Variants in TET2 observed in about 807,000 individuals in gnomAD.
The protein encoded by TET2 is tet methylcytosine dioxygenase 2, also known as methylcytosine dioxygenase TET2.
TET2 carries 299 observed loss-of-function variants against 142.9 expected under a neutral mutation model. That is an observed-to-expected ratio of 2.09 (90% confidence interval 1.90 to 2.30). The LOEUF (loss-of-function observed/expected upper bound fraction) is 2.30. Ranked by LOEUF, TET2 falls within the 30% of genes most tolerant of loss-of-function variation. The pLI is 0.00. For synonymous variants in TET2, 819 were observed against 849.0 expected (o/e 0.96, Z 0.61); for missense variants, 2,418 against 2,378.0 (o/e 1.02, Z -0.35).
chr4:105,154,595 G>A (rs762014892), intron 1 of TET2, among the ~76,000 whole-genome samples: 5 of 152,146 alleles, frequency 3.3e-5, no homozygotes, highest in Non-Finnish European at 7.4e-5. Flanking sequence ...AGCCTTTAGA[G>A]CTCATATGGG....
chr4:105,185,578 A>G (rs1380432038), intron 1 of TET2, among the ~76,000 whole-genome samples: 1 of 152,004 alleles, frequency 6.6e-6, no homozygotes, highest in Non-Finnish European at 1.5e-5. Context: ...CAGGAGATCG[A>G]GACCATCCTG....
chr4:105,224,410 G>C (rs1274748711), intron 2 of TET2, among the ~76,000 whole-genome samples: 1 of 152,140 alleles, frequency 6.6e-6, no homozygotes, highest in Non-Finnish European at 1.5e-5. Flanking sequence ...TCATAATTAT[G>C]ATGGATTAGA....
Position 105,276,100 on chromosome 4 carries a change from G to T in TET2, c.5590G>T (p.Val1864Leu). Residue 1864 changes from valine to leucine, a missense_variant, in exon 11 of 11, where the codon GTG becomes TTG. Transcript: ENST00000380013. ...FLDPDIGGVA[V>L]APTHGSILIE... is the part of the protein sequence containing the mutation. ...GGATCCTGACATTGGGGGAGTGGCC[G>T]TGGCTCCAACTCATGGGTCAATTCT... 1 of 1,551,634 alleles carries T rather than the reference G, an allele frequency of 6.4e-7. No individual in the cohort carries two copies.
At chr4:105,179,615 T>A (rs1725002447) in intron 1 of TET2, among the ~76,000 whole-genome samples, 2 of 152,202 alleles carry the variant, frequency 1.3e-5, no homozygotes, top group Non-Finnish European at 2.9e-5. Flanking sequence ...GGGAAATGAG[T>A]GCTTATAATA....
intron 6 of TET2, 35 bp from the exon 7 acceptor site, chr4:105,259,584 T>C: frequency 6.5e-7 from 1 of 1,548,036 alleles, no homozygotes; most frequent in Non-Finnish European, 8.7e-7. Flanking sequence ...TATAATGCTA[T>C]CCATAGCAAT....
At chr4:105,157,928 C>T in intron 1 of TET2, among the ~76,000 whole-genome samples, 1 of 152,172 alleles carries the variant, frequency 6.6e-6, no homozygotes, top group Non-Finnish European at 1.5e-5. Context: ...CCACCCCCTT[C>T]TGCTTCCTAA....
chr4:105,206,333 G>A (rs927249016), intron 2 of TET2, among the ~76,000 whole-genome samples: 1 of 152,232 alleles, frequency 6.6e-6, no homozygotes. Context: ...TTGATGCTGG[G>A]GACCTTTTGG....
chr4:105,244,057 G>T (rs1013334187), intron 6 of TET2, among the ~76,000 whole-genome samples: 1 of 152,200 alleles, frequency 6.6e-6, no homozygotes, highest in African/African-American at 2.4e-5. Flanking sequence ...AATTGTTTAT[G>T]TGCTCACATG....
chr4:105,170,933 G>T (rs916243021), intron 1 of TET2, among the ~76,000 whole-genome samples: 2 of 151,490 alleles, frequency 1.3e-5, no homozygotes, highest in Non-Finnish European at 2.9e-5. Context: ...TATTTCAGCT[G>T]TGTGTCTACC....
chr4:105,236,299 A>G lies in TET2; in HGVS notation c.2357A>G (p.His786Arg), dbSNP rs375761343. ...CAGACTAAAGTGGAAGAATGTTTTC[A>G]TGGTGAAAATCAGTATTCAAAATCA... The part of the protein sequence containing the change: ...FGQTKVEECF[H>R]GENQYSKSSE... Residue 786 changes from histidine to arginine, a missense_variant, in exon 3 of 11, where the codon CAT (histidine) becomes CGT (arginine). Physicochemically the swap from His to Arg is conservative, Grantham distance 29. Transcript: ENST00000380013. 4 of 1,614,126 alleles carry G rather than the reference A, an allele frequency of 2.5e-6. No individual in the cohort carries two copies. Among genetic ancestry groups the G allele is most frequent in the African/African-American group, 2.7e-5 (2 of 75,076 alleles).
chr4:105,202,469 C>T (rs1200293359), intron 2 of TET2: 1 of 152,138 alleles, frequency 6.6e-6, no homozygotes, highest in Admixed American at 6.5e-5. Context: ...CTACTACATA[C>T]TACCCTAAAA....
In TET2 at chr4:105,236,327, C is replaced by T. The variant is rs112576862; in HGVS notation, c.2385C>T (p.Ser795=). ...GTGAAAATCAGTATTCAAAATCAAG[C>T]GAGTTCGAGACTCATAATGTCCAAA... is the stretch of plus-strand genomic sequence containing the variant. ...FHGENQYSKS[S]EFETHNVQMG... The change falls in exon 3 of 11, where the codon AGC becomes AGT. Residue 795 remains serine, a synonymous_variant. Transcript: ENST00000380013. 9.1e-5 allele frequency: 147 copies of T among 1,613,950 alleles called. 1 individual carries two copies. In the African/African-American group the frequency reaches 1.3e-3, roughly 15 times the overall value.
rs62331158 is a variant in TET2 at position 105,204,232 on chromosome 4, T to C, written c.-47+13727T>C. Among the ~76,000 whole-genome samples the C allele has an allele frequency of 8.8e-4, 95 of 107,742 alleles. 1 individual carries two copies. Among genetic ancestry groups the C allele is most frequent in the East Asian group, 3.1e-3 (14 of 4,508 alleles). 70.7% of individuals were successfully genotyped at this position (107,742 alleles called of 152,430 possible). On this transcript the variant is annotated intron_variant, in intron 2 of 10. Coordinates refer to ENST00000380013, the MANE Select transcript of TET2 (RefSeq NM_001127208.3). ...AAACAAACCAAAAAAAAAAAAAATA[T>C]ATACACACACACACACACACACACA...
intron 2 of TET2, among the ~76,000 whole-genome samples, chr4:105,209,982 A>G (rs999766296): frequency 1.3e-5 from 2 of 152,238 alleles, no homozygotes; most frequent in Admixed American, 6.6e-5. Flanking sequence ...CAATAAGAAC[A>G]TAGAACCGAT....
At position 105,250,380 on chromosome 4, in the gene TET2, A is replaced by ATTT. The variant is rs59695275; in HGVS notation, c.3803+6631_3803+6633dup. The stretch of plus-strand genomic sequence containing the variant: ...ATCAGCTTCTCCGTTTCCTTTCTGG[A>ATTT]TTTTTTTTTTTTTTTTTTTTTTTTT... On this transcript the variant is annotated intron_variant, in intron 6 of 10. Transcript: ENST00000380013. Among the ~76,000 whole-genome samples the ATTT allele has an allele frequency of 3.6e-3, 217 of 60,312 alleles. 24 individuals carry two copies. Among genetic ancestry groups the ATTT allele is most frequent in the Middle Eastern group, 0.021 (1 of 48 alleles). 39.6% of individuals were successfully genotyped at this position (60,312 alleles called of 152,430 possible). A position where few individuals can be genotyped will look rare whatever the true frequency, so the allele number is the denominator to read the frequency against.
intron 6 of TET2, among the ~76,000 whole-genome samples, chr4:105,249,696 G>C (rs1729768350): frequency 6.6e-6 from 1 of 152,016 alleles, no homozygotes. Context: ...GCTGATATTG[G>C]GCATCTTTTC....
rs555385319 is a variant in TET2, at chr4:105,276,442, G to A, written c.5932G>A (p.Val1978Met). 3.9e-5 allele frequency: 61 copies of A among 1,551,840 alleles called. No homozygotes were observed. In the South Asian group the frequency reaches 5.8e-4, roughly 15 times the overall value. The change falls in exon 11 of 11, where the codon GTG becomes ATG. Residue 1978 changes from valine to methionine, a missense_variant. Val to Met is a conservative substitution (Grantham distance 21, BLOSUM62 1). Transcript: ENST00000380013. ...GTCTCTTGCCGAAAGGACCATGTCC[G>A]TGACCACAGACTCCACAGTAACTAC... ...IKSLAERTMS[V>M]TTDSTVTTSP...
chr4:105,166,641 A>G (rs1418065091), intron 1 of TET2, among the ~76,000 whole-genome samples: 1 of 151,754 alleles, frequency 6.6e-6, no homozygotes, highest in Non-Finnish European at 1.5e-5. Context: ...AGGGGTTTTT[A>G]CAAATATTGT....
intron 6 of TET2, among the ~76,000 whole-genome samples, chr4:105,247,760 C>T (rs1477877357): frequency 1.6e-4 from 19 of 119,772 alleles, no homozygotes; most frequent in Admixed American, 1.4e-3. Flanking sequence ...CTCGCTCTGT[C>T]GCTTAGGCTG....
Sources: gnomAD v4.1 joint callset for allele counts (sites outside exome capture counted in the v4.1 genomes callset) on GRCh38, gnomAD v4.1.1 for gene constraint, MANE v1.5 for transcripts, NCBI Gene and HGNC (gene_info 2026-07-23, HGNC 2026-07-21) for gene names.